The following CA10 variants were observed in gnomAD, a reference collection of about 807,000 sequenced individuals.
CA10 encodes carbonic anhydrase-related protein 10.
CA10 carries 14 observed loss-of-function variants against 44.2 expected under a neutral mutation model. That is an observed-to-expected ratio of 0.32 (90% CI 0.21 to 0.50). The LOEUF is 0.50. Among genes scored for constraint, CA10 ranks in the 20% least tolerant of loss-of-function variants. The pLI, the probability that CA10 is intolerant of heterozygous loss-of-function variation, is 0.99. For missense variants in CA10, 350 were observed against 409.7 expected (o/e 0.85, Z 1.26); for synonymous variants, 159 against 141.6 (o/e 1.12, Z -0.87).
chr17:51,944,336 G>T (rs1175433566), intron 2 of CA10, among the ~76,000 whole-genome samples: 1 of 152,084 alleles, frequency 6.6e-6, no homozygotes, highest in African/African-American at 2.4e-5. Context: ...CCGGTATGTG[G>T]CCTCCAACAG....
intron 3 of CA10, among the ~76,000 whole-genome samples, chr17:51,809,692 G>A (rs1207185020): frequency 6.6e-6 from 1 of 152,158 alleles, no homozygotes; most frequent in Non-Finnish European, 1.5e-5. Flanking sequence ...GGGCTTTATA[G>A]TGGGTAAGAT....
intron 4 of CA10, among the ~76,000 whole-genome samples, chr17:51,680,020 A>G (rs1914786480): frequency 6.6e-6 from 1 of 152,216 alleles, no homozygotes; most frequent in Non-Finnish European, 1.5e-5. Flanking sequence ...CTTTCCCACT[A>G]CAAAGGCAGA....
chr17:51,710,145 G>A (rs944846831), intron 4 of CA10, among the ~76,000 whole-genome samples: 1 of 152,176 alleles, frequency 6.6e-6, no homozygotes. Context: ...AGAACTGGAG[G>A]GCGGTTTGAT....
chr17:52,027,481 A>T (rs1485924613), intron 2 of CA10, among the ~76,000 whole-genome samples: 1 of 152,152 alleles, frequency 6.6e-6, no homozygotes, highest in African/African-American at 2.4e-5. Context: ...GAGGAGTTTG[A>T]ACTATAATTA....
chr17:51,669,454 C>T (rs959811747), intron 4 of CA10, among the ~76,000 whole-genome samples: 2 of 152,110 alleles, frequency 1.3e-5, no homozygotes, highest in African/African-American at 2.4e-5. Flanking sequence ...AAGCAGGCCG[C>T]CCCAGCCAGC....
intron 4 of CA10, among the ~76,000 whole-genome samples, chr17:51,655,619 T>G (rs943232892): frequency 7.9e-5 from 12 of 152,254 alleles, no homozygotes; most frequent in Non-Finnish European, 1.6e-4. Flanking sequence ...TCTGATTTAA[T>G]TGATTTGGGA....
At chr17:51,870,302 C>T (rs1253317520) in intron 3 of CA10, among the ~76,000 whole-genome samples, 1 of 152,220 alleles carries the variant, frequency 6.6e-6, no homozygotes, top group Non-Finnish European at 1.5e-5. Flanking sequence ...GCATGCTATG[C>T]TATTTTGCCC....
chr17:51,978,650 A>G (rs560014645), intron 2 of CA10, among the ~76,000 whole-genome samples: 68 of 152,264 alleles, frequency 4.5e-4, no homozygotes, highest in African/African-American at 1.5e-3. Flanking sequence ...GCAGAACACA[A>G]TAGGCATTAA....
chr17:51,660,310 C>G (rs957206888), intron 4 of CA10, among the ~76,000 whole-genome samples: 1 of 152,192 alleles, frequency 6.6e-6, no homozygotes, highest in African/African-American at 2.4e-5. Flanking sequence ...TTCTTAGGAC[C>G]AGAGGCAAAG....
chr17:51,765,733 G>GCA (rs1905356530), intron 3 of CA10, among the ~76,000 whole-genome samples: 1 of 150,282 alleles, frequency 6.7e-6, no homozygotes, highest in Non-Finnish European at 1.5e-5. Context: ...GTATGTGTGT[G>GCA]TGCATGCATG....
chr17:52,045,283 G>A (rs999860616), intron 2 of CA10, among the ~76,000 whole-genome samples: 8 of 151,600 alleles, frequency 5.3e-5, no homozygotes, highest in South Asian at 2.1e-4. Flanking sequence ...ATTCATTGCC[G>A]AGAGCTCTGC....
At chr17:51,766,957 A>C (rs1261964837) in intron 3 of CA10, among the ~76,000 whole-genome samples, 2 of 152,240 alleles carry the variant, frequency 1.3e-5, no homozygotes, top group Non-Finnish European at 2.9e-5. Context: ...CCATCCTTGC[A>C]ATAAAACTCA....
rs184150849 is a variant in CA10 at position 52,075,820 on chromosome 17, G to C, written c.62-3427C>G. Among the ~76,000 whole-genome samples the C allele has an allele frequency of 7.9e-5, 12 of 152,234 alleles. No homozygotes were observed. The East Asian group carries it at 2.3e-3, about 29-fold the overall frequency. On this transcript the variant is annotated intron_variant, in intron 1 of 8. Coordinates refer to ENST00000451037, the MANE Select transcript of CA10 (RefSeq NM_020178.5). ...AAATGAAACATTATGTTGAACACTA[G>C]AGGATAGCGCTTTGTCTAAGTAGAC... is the stretch of plus-strand genomic sequence containing the variant.
At chr17:51,999,981 G>A (rs533170251) in intron 2 of CA10, among the ~76,000 whole-genome samples, 4 of 152,092 alleles carry the variant, frequency 2.6e-5, no homozygotes, top group Admixed American at 1.3e-4. Flanking sequence ...CTCTCCTCAC[G>A]TAACTGTTTC....
chr17:51,810,009 A>G (rs1407066629), intron 3 of CA10, among the ~76,000 whole-genome samples: 2 of 152,204 alleles, frequency 1.3e-5, no homozygotes, highest in African/African-American at 4.8e-5. Context: ...TGGGTCCATA[A>G]TCAGATCATG....
intron 2 of CA10, among the ~76,000 whole-genome samples, chr17:52,051,516 C>T (rs906553441): frequency 2.0e-5 from 3 of 150,278 alleles, no homozygotes; most frequent in African/African-American, 4.9e-5. Context: ...GACATATATG[C>T]AGCCAACAAG....
intron 3 of CA10, among the ~76,000 whole-genome samples, chr17:51,792,858 A>C (rs1288777457): frequency 6.6e-6 from 1 of 152,188 alleles, no homozygotes; most frequent in Non-Finnish European, 1.5e-5. Flanking sequence ...AATTCGCATA[A>C]ATTTGTATTC....
chr17:51,635,786 T>C (rs2143212024), intron 7 of CA10, 69 bp downstream of exon 7: 1 of 1,287,918 alleles, frequency 7.8e-7, no homozygotes, highest in East Asian at 2.4e-5. Flanking sequence ...TAATAGGCAC[T>C]CCACATTTCA....
intron 1 of CA10, among the ~76,000 whole-genome samples, chr17:52,136,761 A>G (rs989112043): frequency 1.3e-5 from 2 of 152,198 alleles, no homozygotes; most frequent in African/African-American, 4.8e-5. Flanking sequence ...TGGCCAAAGT[A>G]TTCACACTGT....
Sources: gnomAD v4.1 joint callset for allele counts (sites outside exome capture counted in the v4.1 genomes callset) on GRCh38, gnomAD v4.1.1 for gene constraint, MANE v1.5 for transcripts, NCBI Gene and HGNC (gene_info 2026-07-23, HGNC 2026-07-21) for gene names.